Variants in SKIL observed in about 807,000 individuals in gnomAD.
SKIL encodes the protein ski-like protein.
Under a neutral mutation model 69.6 loss-of-function variants are expected in SKIL, and 20 were observed. The observed-to-expected ratio is 0.29, with a 90% CI of 0.20 to 0.42. The LOEUF is 0.42. Ranked by LOEUF, SKIL falls within the 10% of genes least tolerant of loss-of-function variation. SKIL has a pLI of 1.00. For synonymous variants in SKIL, 310 were observed against 279.9 expected (o/e 1.11, Z -1.08); for missense variants, 745 against 783.1 (o/e 0.95, Z 0.58).
At chr3:170,376,042 CTTTTTTTTT>C (rs869036195) in intron 2 of SKIL, among the ~76,000 whole-genome samples, 9 of 89,136 alleles carry the variant, frequency 1.0e-4, no homozygotes, top group African/African-American at 3.2e-4. Context: ...GCTGATTTTC[CTTTTTTTTT>C]TTTTTTTTTT....
At chr3:170,370,096 G>A (rs1736726811) in intron 2 of SKIL, among the ~76,000 whole-genome samples, 1 of 151,844 alleles carries the variant, frequency 6.6e-6, no homozygotes, top group South Asian at 2.1e-4. Flanking sequence ...AAAATTAGCC[G>A]GGCGCGGTGG....
chr3:170,385,257 ATT>A (rs1159207619), intron 4 of SKIL, among the ~76,000 whole-genome samples: 6 of 136,686 alleles, frequency 4.4e-5, no homozygotes, highest in Admixed American at 2.2e-4. Flanking sequence ...AAAAAAAAAA[ATT>A]TTTTTTTTTT....
chr3:170,366,688 C>CACAGACAG (rs1553852227), intron 2 of SKIL, among the ~76,000 whole-genome samples: 2 of 140,766 alleles, frequency 1.4e-5, no homozygotes, highest in Non-Finnish European at 1.5e-5. Context: ...CACACACACA[C>CACAGACAG]ACACACAGAC....
Position 170,367,870 on chromosome 3 carries a change from T to A in SKIL, c.1098+6441T>A, listed in dbSNP as rs1048576414. ...GGGAAAAATCTCTATAGATTACTTATGATACAAACAGATGACCTAAAGATA... is the reference window on the plus strand; with the variant it reads ...GGGAAAAATCTCTATAGATTACTTAAGATACAAACAGATGACCTAAAGATA... On this transcript the variant is annotated intron_variant, in intron 2 of 6. Coordinates refer to ENST00000259119, the MANE Select transcript of SKIL (RefSeq NM_005414.5). Among the ~76,000 whole-genome samples, 22 of 152,334 alleles carry A rather than the reference T, an allele frequency of 1.4e-4. No individual in the cohort carries two copies. The Middle Eastern group carries it at 0.01, about 71-fold the overall frequency.
At chr3:170,371,336 A>G (rs1202261037) in intron 2 of SKIL, among the ~76,000 whole-genome samples, 5 of 152,022 alleles carry the variant, frequency 3.3e-5, no homozygotes, top group Non-Finnish European at 7.4e-5. Flanking sequence ...CCCCATCTCT[A>G]CTAAAAATAA....
At chr3:170,366,660 ACTC>A (rs1736528909) in intron 2 of SKIL, among the ~76,000 whole-genome samples, 1 of 148,894 alleles carries the variant, frequency 6.7e-6, no homozygotes, top group Non-Finnish European at 1.5e-5. Flanking sequence ...ACAGAGTGAA[ACTC>A]TGTCTCAAAA....
At chr3:170,368,736 T>C (rs539853724) in intron 2 of SKIL, among the ~76,000 whole-genome samples, 23 of 152,352 alleles carry the variant, frequency 1.5e-4, no homozygotes, top group African/African-American at 5.0e-4. Flanking sequence ...TTTTACACAG[T>C]AATTACAGTA....
At position 170,393,335 on chromosome 3, in the gene SKIL, A is replaced by G. The variant is rs569106539; in HGVS notation, c.*918A>G. ...ATGGACTTGTTTTCCTTTAAGTTGT[A>G]AAATGTTAAACACCTTGAAGGTTAT... On this transcript the variant is annotated 3_prime_UTR_variant, in exon 7 of 7. Coordinates refer to ENST00000259119, the MANE Select transcript of SKIL (RefSeq NM_005414.5). The G allele has an allele frequency of 6.6e-6, 1 of 152,264 alleles. No homozygotes were observed. The highest frequency in any genetic ancestry group is 2.1e-4 in the South Asian group (1 of 4,832). 9.4% of individuals were successfully genotyped at this position (152,264 alleles called of 1,614,324 possible).
chr3:170,382,476 A>G (rs1376585837), intron 3 of SKIL, among the ~76,000 whole-genome samples: 1 of 147,632 alleles, frequency 6.8e-6, no homozygotes, highest in Non-Finnish European at 1.5e-5. Context: ...GTGCAGTGGC[A>G]GGATCTTGGC....
At chr3:170,364,563 C>G (rs1736411552) in intron 2 of SKIL, among the ~76,000 whole-genome samples, 1 of 151,194 alleles carries the variant, frequency 6.6e-6, no homozygotes, top group African/African-American at 2.4e-5. Context: ...CTGAGGTGAT[C>G]CGACCTCCTC....
intron 2 of SKIL, among the ~76,000 whole-genome samples, chr3:170,370,088 A>G (rs1736726102): frequency 6.6e-6 from 1 of 151,706 alleles, no homozygotes; most frequent in Non-Finnish European, 1.5e-5. Context: ...AAATACAAAA[A>G]ATTAGCCGGG....
chr3:170,388,721 C>T (rs186483080), intron 4 of SKIL, among the ~76,000 whole-genome samples: 29 of 152,142 alleles, frequency 1.9e-4, no homozygotes, highest in Admixed American at 8.5e-4. Context: ...TGAGCCACCG[C>T]GCTTGGCCGT....
At chr3:170,380,995 A>ATTTT (rs35175326) in intron 2 of SKIL, among the ~76,000 whole-genome samples, 10 of 140,116 alleles carry the variant, frequency 7.1e-5, no homozygotes, top group Admixed American at 2.2e-4. Context: ...CAACTGGCTA[A>ATTTT]TTTTTTTTTT....
intron 2 of SKIL, among the ~76,000 whole-genome samples, chr3:170,363,498 T>C (rs893529688): frequency 2.6e-4 from 39 of 152,182 alleles, no homozygotes; most frequent in African/African-American, 9.2e-4. Context: ...GATTTTTTTT[T>C]TTTTGAGACA....
rs1478122773 is a variant in SKIL at position 170,361,166 on chromosome 3, C to A, written c.835C>A (p.Gln279Lys). 1 of 1,614,086 alleles carries A rather than the reference C, an allele frequency of 6.2e-7. No individual in the cohort carries two copies. The highest frequency in any genetic ancestry group is 8.5e-7 in the Non-Finnish European group (1 of 1,180,042). Residue 279 changes from glutamine (Q) to lysine (K), a missense_variant, in exon 2 of 7, where the codon CAG becomes AAG. Physicochemically the swap from Gln to Lys is moderately conservative, Grantham distance 53. Coordinates refer to ENST00000259119, the MANE Select transcript of SKIL (RefSeq NM_005414.5). ...LGKCQGLFAP[Q>K]FYVQPDAPCI... The stretch of plus-strand genomic sequence containing the variant: ...CAAATGTCAGGGTTTATTTGCACCC[C>A]AGTTTTATGTTCAGCCTGATGCTCC...
At chr3:170,372,622 G>GTT (rs1736846963) in intron 2 of SKIL, among the ~76,000 whole-genome samples, 1 of 152,120 alleles carries the variant, frequency 6.6e-6, no homozygotes, top group Admixed American at 6.6e-5. Flanking sequence ...GAGGGATTCT[G>GTT]TTTCTTTTGG....
intron 2 of SKIL, among the ~76,000 whole-genome samples, chr3:170,367,589 C>G (rs1336676887): frequency 6.6e-6 from 1 of 151,974 alleles, no homozygotes; most frequent in Non-Finnish European, 1.5e-5. Flanking sequence ...GCCTCAGTGT[C>G]CCTAGTAGCT....
At chr3:170,371,520 G>A (rs906556271) in intron 2 of SKIL, among the ~76,000 whole-genome samples, 5 of 152,106 alleles carry the variant, frequency 3.3e-5, no homozygotes, top group South Asian at 2.1e-4. Context: ...AAAAGAAAAA[G>A]AAAAACAAAA....
intron 2 of SKIL, among the ~76,000 whole-genome samples, chr3:170,374,105 A>T (rs1370964877): frequency 6.6e-6 from 1 of 152,208 alleles, no homozygotes; most frequent in Non-Finnish European, 1.5e-5. Context: ...TCTGATTATC[A>T]AAGGGTCACG....
Sources: allele counts gnomAD v4.1 joint callset (sites outside exome capture counted in the v4.1 genomes callset), GRCh38; gene constraint gnomAD v4.1.1; transcripts MANE v1.5; gene names NCBI Gene and HGNC (gene_info 2026-07-23, HGNC 2026-07-21).